DLG2: variants seen among roughly 807,000 people sequenced by gnomAD.
DLG2 encodes the protein discs large MAGUK scaffold protein 2.
A neutral mutation model predicts 132.5 loss-of-function variants in DLG2; 45 were observed. The ratio of observed to expected loss-of-function variants is 0.34; its 90% CI spans 0.27 to 0.44. The LOEUF (loss-of-function observed/expected upper bound fraction) is 0.44, where lower values mean the gene tolerates loss of function less well. Ranked by LOEUF, DLG2 falls within the 20% of genes least tolerant of loss-of-function variation. The pLI is 1.00. For missense variants in DLG2, 1,045 were observed against 1,196.9 expected (o/e 0.87, Z 1.87); for synonymous variants, 424 against 419.6 (o/e 1.01, Z -0.13).
At chr11:85,149,978 T>G (rs978814780) in intron 5 of DLG2, among the ~76,000 whole-genome samples, 2 of 150,940 alleles carry the variant, frequency 1.3e-5, no homozygotes, top group Non-Finnish European at 3.0e-5. Context: ...CTTGGCCCTC[T>G]GGGAAGATTA....
At chr11:85,360,862 A>T in intron 3 of DLG2, among the ~76,000 whole-genome samples, 1 of 152,186 alleles carries the variant, frequency 6.6e-6, no homozygotes, top group Non-Finnish European at 1.5e-5. Flanking sequence ...GAGGAAATGA[A>T]AGCTCAGAAA....
At chr11:84,615,551 T>A (rs558277857) in intron 6 of DLG2, among the ~76,000 whole-genome samples, 1 of 151,994 alleles carries the variant, frequency 6.6e-6, no homozygotes, top group East Asian at 1.9e-4. Context: ...TTAACAATGA[T>A]TGGACACAGT....
intron 6 of DLG2, among the ~76,000 whole-genome samples, chr11:84,553,460 C>T (rs2099405930): frequency 6.6e-6 from 1 of 152,136 alleles, no homozygotes; most frequent in Admixed American, 6.5e-5. Flanking sequence ...AGAATCAATA[C>T]AATATCAAAT....
intron 7 of DLG2, among the ~76,000 whole-genome samples, chr11:84,500,419 G>C (rs369113742): frequency 7.3e-5 from 11 of 151,250 alleles, no homozygotes; most frequent in African/African-American, 2.7e-4. Flanking sequence ...TACTGCTGGA[G>C]AATTTGATAG....
Position 84,607,200 on chromosome 11 carries a change from T to C in DLG2, c.358-72469A>G, listed in dbSNP as rs1442714920. Reference sequence around the variant, plus strand: ...AAAAGAGAAAGGGATCTAAAATTTATTGAGCCACAACTATAATTCAAGTGA... The same window carrying C: ...AAAAGAGAAAGGGATCTAAAATTTACTGAGCCACAACTATAATTCAAGTGA... On this transcript the variant is annotated intron_variant, in intron 6 of 27. Transcript: ENST00000376104. Among the ~76,000 whole-genome samples, 8 of 152,150 alleles carry C rather than the reference T, an allele frequency of 5.3e-5. No individual in the cohort carries two copies. In the East Asian group the frequency reaches 1.5e-3, roughly 29 times the overall value.
intron 4 of DLG2, among the ~76,000 whole-genome samples, chr11:85,267,846 C>G (rs959369466): frequency 6.6e-6 from 1 of 151,504 alleles, no homozygotes; most frequent in African/African-American, 2.4e-5. Context: ...GACAGTTTAC[C>G]CCACACAACG....
intron 18 of DLG2, among the ~76,000 whole-genome samples, chr11:83,756,113 A>G (rs2093633563): frequency 6.6e-6 from 1 of 151,334 alleles, no homozygotes; most frequent in South Asian, 2.1e-4. Context: ...TTCCGGCATC[A>G]TTATGGAGAG....
intron 6 of DLG2, among the ~76,000 whole-genome samples, chr11:84,982,513 T>G (rs1409898598): frequency 2.0e-5 from 3 of 152,138 alleles, no homozygotes; most frequent in Non-Finnish European, 4.4e-5. Context: ...TAATCAGTAT[T>G]CTCCATCTCC....
intron 3 of DLG2, among the ~76,000 whole-genome samples, chr11:85,384,651 C>A (rs1325802409): frequency 2.6e-5 from 4 of 152,198 alleles, no homozygotes; most frequent in Admixed American, 2.6e-4. Context: ...TCACTGCAAC[C>A]TCCACCTCCT....
At chr11:85,224,381 C>T (rs570572202) in intron 4 of DLG2, among the ~76,000 whole-genome samples, 35 of 152,274 alleles carry the variant, frequency 2.3e-4, no homozygotes, top group Non-Finnish European at 4.1e-4. Flanking sequence ...TACAAGTTGA[C>T]AATACTTTCT....
intron 21 of DLG2, among the ~76,000 whole-genome samples, chr11:83,493,336 T>C (rs575589496): frequency 6.1e-5 from 8 of 132,060 alleles, no homozygotes; most frequent in East Asian, 2.2e-4. Context: ...CTTTTCTTTC[T>C]TTCCTTCCTT....
intron 6 of DLG2, among the ~76,000 whole-genome samples, chr11:84,606,184 A>G (rs1593548414): frequency 6.6e-6 from 1 of 152,142 alleles, no homozygotes; most frequent in Non-Finnish European, 1.5e-5. Context: ...CATTAAAAAA[A>G]TGAAAACATT....
intron 7 of DLG2, among the ~76,000 whole-genome samples, chr11:84,401,448 T>G (rs1234348477): frequency 1.3e-5 from 2 of 152,104 alleles, no homozygotes; most frequent in Non-Finnish European, 2.9e-5. Context: ...CTTACTTCTG[T>G]TTGCCCAGGG....
chr11:84,780,749 G>A (rs1597970991), intron 6 of DLG2, among the ~76,000 whole-genome samples: 1 of 152,052 alleles, frequency 6.6e-6, no homozygotes, highest in Admixed American at 6.6e-5. Flanking sequence ...TTTCCCTATA[G>A]CTCCAATATA....
intron 3 of DLG2, among the ~76,000 whole-genome samples, chr11:85,474,655 T>G (rs1302149845): frequency 6.6e-6 from 1 of 151,944 alleles, no homozygotes; most frequent in African/African-American, 2.4e-5. Context: ...CTTTCAGCAA[T>G]AATAAAATTG....
intron 18 of DLG2, among the ~76,000 whole-genome samples, chr11:83,689,085 T>C (rs1272850900): frequency 2.0e-5 from 3 of 152,188 alleles, no homozygotes; most frequent in South Asian, 4.1e-4. Flanking sequence ...AATAGCTAAC[T>C]ACACAGCTGC....
chr11:84,489,131 C>T (rs1247940225), intron 7 of DLG2, among the ~76,000 whole-genome samples: 1 of 152,006 alleles, frequency 6.6e-6, no homozygotes, highest in African/African-American at 2.4e-5. Flanking sequence ...ACAGATTCAT[C>T]CCCTGCATGG....
intron 19 of DLG2, among the ~76,000 whole-genome samples, chr11:83,543,253 A>G (rs1345900128): frequency 6.6e-6 from 1 of 152,192 alleles, no homozygotes; most frequent in Non-Finnish European, 1.5e-5. Flanking sequence ...AGTACCAGTC[A>G]GGAACAGGGA....
chr11:84,025,777 C>T (rs577610792), intron 11 of DLG2, among the ~76,000 whole-genome samples: 33 of 152,176 alleles, frequency 2.2e-4, no homozygotes, highest in South Asian at 8.3e-4. Flanking sequence ...TATACCATAA[C>T]GTGGAACAGA....
Sources: gnomAD v4.1 joint callset for allele counts (sites outside exome capture counted in the v4.1 genomes callset) on GRCh38, gnomAD v4.1.1 for gene constraint, MANE v1.5 for transcripts, NCBI Gene and HGNC (gene_info 2026-07-23, HGNC 2026-07-21) for gene names.